HSD17B7: variants seen among roughly 807,000 people sequenced by gnomAD.
HSD17B7 encodes hydroxysteroid 17-beta dehydrogenase 7.
In HSD17B7, 17 loss-of-function variants were observed where a neutral mutation model predicts 34.1. That is an observed-to-expected ratio of 0.50 (90% CI 0.34 to 0.75). The LOEUF (loss-of-function observed/expected upper bound fraction) is 0.75, where lower values mean the gene tolerates loss of function less well. HSD17B7 is among the 30% of genes least tolerant of loss of function. The probability of loss-of-function intolerance (pLI) is 0.01; values close to 1 mark genes in which losing one functional copy is unlikely to be tolerated. For missense variants in HSD17B7, 296 were observed against 406.6 expected (o/e 0.73, Z 2.34); for synonymous variants, 122 against 154.6 (o/e 0.79, Z 1.56).
rs1255954408 is a variant in HSD17B7, at chr1:162,790,746, T to C, written c.-55T>C. 24 of 1,173,050 alleles carry C rather than the reference T, an allele frequency of 2.0e-5. No homozygotes were observed. In the East Asian group the frequency reaches 6.0e-4, roughly 29 times the overall value. The allele number at this position is 1,173,050 out of a possible 1,614,324, so 72.7% of individuals were successfully genotyped here. A position where few individuals can be genotyped will look rare whatever the true frequency, so the allele number is the denominator to read the frequency against. ...GTGAGGCGGCCCGAAATCGTAGGAC[T>C]TCCGAAAGCAGCGGCGGTGTTTGCT... On this transcript the variant is annotated 5_prime_UTR_variant, in exon 1 of 9. Transcript: ENST00000254521.
At chr1:162,801,730 G>A (rs1399260930) in intron 5 of HSD17B7, among the ~76,000 whole-genome samples, 1 of 152,056 alleles carries the variant, frequency 6.6e-6, no homozygotes, top group African/African-American at 2.4e-5. Context: ...AATATTGCAG[G>A]TTGGACTCAG....
intron 5 of HSD17B7, chr1:162,802,830 A>C (rs1044293846): frequency 6.6e-6 from 1 of 152,296 alleles, no homozygotes; most frequent in African/African-American, 2.4e-5. Flanking sequence ...CTCTCTTTGT[A>C]GGGTGGAACT....
In HSD17B7 at chr1:162,797,231, T is replaced by C. The variant is rs537512037; in HGVS notation, c.332+554T>C. The C allele has an allele frequency of 2.1e-3, 330 of 159,810 alleles. 1 individual carries two copies. Among genetic ancestry groups the C allele is most frequent in the Non-Finnish European group, 3.7e-3 (266 of 72,282 alleles). The allele number at this position is 159,810 out of a possible 1,614,324, so 9.9% of individuals were successfully genotyped here. A position where few individuals can be genotyped will look rare whatever the true frequency, so the allele number is the denominator to read the frequency against. ...GGCATTCTTACTATGTGCTGCTTAC[T>C]ATACCAATGCTTTTGCTTTACTTCT... On this transcript the variant is annotated intron_variant, in intron 3 of 8. Transcript: ENST00000254521.
chr1:162,790,828 G>A lies in HSD17B7; in HGVS notation c.28G>A (p.Ala10Thr). 2.5e-6 allele frequency: 4 copies of A among 1,613,856 alleles called. No individual in the cohort carries two copies. Among genetic ancestry groups the A allele is most frequent in the Non-Finnish European group, 3.4e-6 (4 of 1,179,888 alleles). ...GCGAAAGGTGGTTTTGATCACCGGGGCTAGCAGGTGAGGCCTCCTTTGGGT... is the reference window on the plus strand; with the variant it reads ...GCGAAAGGTGGTTTTGATCACCGGGACTAGCAGGTGAGGCCTCCTTTGGGT... MRKVVLITG[A>T]SSGIGLALCK... Residue 10 changes from alanine to threonine, a missense_variant, in exon 1 of 9, where the codon GCT becomes ACT. Physicochemically the swap from Ala to Thr is moderately conservative, Grantham distance 58 (BLOSUM62 0). Transcript: ENST00000254521.
chr1:162,810,377 G>T (rs540255116), intron 8 of HSD17B7, among the ~76,000 whole-genome samples: 3 of 152,276 alleles, frequency 2.0e-5, no homozygotes, highest in African/African-American at 7.2e-5. Context: ...CAACTATGTG[G>T]TCAATTTTGG....
intron 5 of HSD17B7, 82 bp from the exon 6 acceptor site, chr1:162,803,349 C>A (rs1054345002): frequency 8.2e-6 from 11 of 1,338,100 alleles, no homozygotes; most frequent in African/African-American, 1.5e-5. Context: ...ATGTACATAC[C>A]TCTTTTATTA....
chr1:162,807,401 C>T (rs1649021899), intron 8 of HSD17B7, among the ~76,000 whole-genome samples: 1 of 152,170 alleles, frequency 6.6e-6, no homozygotes, highest in Admixed American at 6.5e-5. Flanking sequence ...GATTCCAAGT[C>T]TTTGCTACTG....
chr1:162,806,760 G>A (rs1271679232), intron 8 of HSD17B7, among the ~76,000 whole-genome samples: 1 of 152,154 alleles, frequency 6.6e-6, no homozygotes, highest in Non-Finnish European at 1.5e-5. Flanking sequence ...GTTTATCAAG[G>A]GGAAAATGTT....
chr1:162,800,086 A>G, intron 5 of HSD17B7, 149 bp downstream of exon 5: 1 of 741,800 alleles, frequency 1.3e-6, no homozygotes, highest in Non-Finnish European at 2.4e-6. Flanking sequence ...GGCAGAGATA[A>G]TTGGCTCCTG....
At chr1:162,802,769 G>A (rs2257597) in intron 5 of HSD17B7, 1 of 152,250 alleles carries the variant, frequency 6.6e-6, no homozygotes, top group Non-Finnish European at 1.5e-5. Flanking sequence ...GGACTTAACT[G>A]TAGATCACAT....
At chr1:162,799,530 G>A (rs191155364) in intron 4 of HSD17B7, 262 of 435,974 alleles carry the variant, frequency 6.0e-4, no homozygotes, top group Admixed American at 1.2e-3. Context: ...CCTCTCTGCT[G>A]ATAGACTAAG....
chr1:162,792,729 A>G lies in HSD17B7; in HGVS notation c.106A>G (p.Arg36Gly), dbSNP rs372712048. 7 of 1,614,086 alleles carry G rather than the reference A, an allele frequency of 4.3e-6. No homozygotes were observed. Among genetic ancestry groups the G allele is most frequent in the African/African-American group, 2.7e-5 (2 of 74,930 alleles). Residue 36 changes from arginine to glycine, a missense_variant, in exon 2 of 9, where the codon AGG becomes GGG. Coordinates refer to ENST00000254521, the MANE Select transcript of HSD17B7 (RefSeq NM_016371.4). Reference sequence around the variant, plus strand: ...TGAGCTTCATCTGTGTTTGGCGTGCAGGAACATGAGCAAGGCAGAAGCTGT... The same window carrying G: ...TGAGCTTCATCTGTGTTTGGCGTGCGGGAACATGAGCAAGGCAGAAGCTGT... ...DDELHLCLAC[R>G]NMSKAEAVCA...
At chr1:162,809,230 T>C (rs949987760) in intron 8 of HSD17B7, among the ~76,000 whole-genome samples, 8 of 152,056 alleles carry the variant, frequency 5.3e-5, no homozygotes, top group African/African-American at 1.9e-4. Flanking sequence ...AGATAATCAT[T>C]TGGTTTTTGT....
chr1:162,790,870 G>A (rs1648377778), intron 1 of HSD17B7, 35 bp downstream of exon 1: 9 of 1,605,496 alleles, frequency 5.6e-6, no homozygotes, highest in African/African-American at 1.3e-5. Context: ...AGGCGGCAGC[G>A]GATCAGGGGT....
intron 8 of HSD17B7, among the ~76,000 whole-genome samples, chr1:162,807,629 GCA>G (rs1277523217): frequency 6.6e-6 from 1 of 152,072 alleles, no homozygotes; most frequent in East Asian, 1.9e-4. Context: ...ATCCTCTCCA[GCA>G]CCTGTTGTTT....
chr1:162,809,858 G>A (rs1461625340), intron 8 of HSD17B7, among the ~76,000 whole-genome samples: 3 of 151,858 alleles, frequency 2.0e-5, no homozygotes, highest in Non-Finnish European at 2.9e-5. Context: ...TATTAGTCTT[G>A]CTAGCAGTCT....
intron 7 of HSD17B7, among the ~76,000 whole-genome samples, 165 bp from the exon 8 acceptor site, chr1:162,805,229 T>A (rs947519083): frequency 1.3e-5 from 2 of 152,250 alleles, no homozygotes; most frequent in Non-Finnish European, 2.9e-5. Context: ...TTAAACTATA[T>A]TTTAATTGGT....
At chr1:162,811,608 T>C (rs1175492775) in intron 8 of HSD17B7, among the ~76,000 whole-genome samples, 5 of 152,230 alleles carry the variant, frequency 3.3e-5, no homozygotes, top group Non-Finnish European at 7.3e-5. Flanking sequence ...ATTTCTTGCA[T>C]GTAAAAGCAT....
At chr1:162,799,662 A>G (rs1648738625) in intron 4 of HSD17B7, 81 bp from the exon 5 acceptor site, 7 of 845,254 alleles carry the variant, frequency 8.3e-6, no homozygotes, top group Non-Finnish European at 1.3e-5. Context: ...CTAATCTCTT[A>G]CCATACAGTA....
Sources: allele counts gnomAD v4.1 joint callset (sites outside exome capture counted in the v4.1 genomes callset), GRCh38; gene constraint gnomAD v4.1.1; transcripts MANE v1.5; gene names NCBI Gene and HGNC (gene_info 2026-07-23, HGNC 2026-07-21).